Variants in KIAA1217 observed in about 807,000 individuals in gnomAD.
The protein encoded by KIAA1217 is sickle tail protein homolog.
In KIAA1217, 88 loss-of-function variants were observed where a neutral mutation model predicts 163.9. The ratio of observed to expected loss-of-function variants is 0.54; its 90% CI spans 0.45 to 0.64. KIAA1217 has a LOEUF of 0.64. Among genes scored for constraint, KIAA1217 ranks in the 30% least tolerant of loss-of-function variants. The pLI is 0.00. For missense variants in KIAA1217, 2,372 were observed against 2,475.0 expected, an observed-to-expected ratio of 0.96 and a Z score of 0.88; for synonymous variants, 903 against 923.1, an observed-to-expected ratio of 0.98 and a Z score of 0.39.
intron 1 of KIAA1217, among the ~76,000 whole-genome samples, chr10:23,930,983 T>C (rs1001864851): frequency 2.0e-5 from 3 of 152,202 alleles, no homozygotes; most frequent in Admixed American, 1.3e-4. Flanking sequence ...AAAGAATACA[T>C]GCATATCTTA....
Position 24,443,118 on chromosome 10 carries a change from C to T in KIAA1217, c.846+4639C>T, listed in dbSNP as rs780863808. Among the ~76,000 whole-genome samples, 321 of 152,234 alleles carry T rather than the reference C, an allele frequency of 2.1e-3. 5 individuals are homozygous for T. Among genetic ancestry groups the T allele is most frequent in the Non-Finnish European group, 3.4e-4 (23 of 68,014 alleles). ...AAGAAATGGGATTTTGCCATGTTGGCCAGGCTGGTCTCAAACTCCTGACCT... is the reference window on the plus strand; with the variant it reads ...AAGAAATGGGATTTTGCCATGTTGGTCAGGCTGGTCTCAAACTCCTGACCT... On this transcript the variant is annotated intron_variant, in intron 5 of 20. Transcript: ENST00000376454.
upstream of KIAA1217, among the ~76,000 whole-genome samples, chr10:24,206,644 G>A (rs772891835): frequency 2.0e-5 from 3 of 152,172 alleles, no homozygotes; most frequent in African/African-American, 2.4e-5. Flanking sequence ...CTATAGAATG[G>A]TCAGAAAGTT....
chr10:24,423,457 GT>G (rs1320788408), intron 3 of KIAA1217, among the ~76,000 whole-genome samples: 2 of 150,434 alleles, frequency 1.3e-5, no homozygotes, highest in Non-Finnish European at 3.0e-5. Flanking sequence ...GATAATTTTT[GT>G]TTTTTTGTTT....
chr10:24,212,190 A>T (rs945348176), intron 1 of KIAA1217, among the ~76,000 whole-genome samples: 3 of 152,210 alleles, frequency 2.0e-5, no homozygotes, highest in African/African-American at 7.2e-5. Flanking sequence ...TCAACTTGGG[A>T]TGTAAGAGAA....
chr10:24,012,856 T>C (rs763200591), intron 2 of KIAA1217, among the ~76,000 whole-genome samples: 1 of 152,158 alleles, frequency 6.6e-6, no homozygotes, highest in Non-Finnish European at 1.5e-5. Context: ...AAATACACCT[T>C]TTTATAAACA....
chr10:24,007,643 C>G (rs1847059387), intron 2 of KIAA1217, among the ~76,000 whole-genome samples: 1 of 152,108 alleles, frequency 6.6e-6, no homozygotes, highest in African/African-American at 2.4e-5. Flanking sequence ...GTATTAGATC[C>G]ATTTATATGC....
At chr10:23,819,789 T>C (rs1837534559) in intron 1 of KIAA1217, among the ~76,000 whole-genome samples, 1 of 152,190 alleles carries the variant, frequency 6.6e-6, no homozygotes, top group Non-Finnish European at 1.5e-5. Flanking sequence ...ATATGCTATA[T>C]GGAGCCTTGG....
chr10:24,388,797 A>G (rs2054405993), intron 3 of KIAA1217, among the ~76,000 whole-genome samples: 1 of 151,172 alleles, frequency 6.6e-6, no homozygotes, highest in African/African-American at 2.5e-5. Context: ...CAACAGACAC[A>G]TGAAAAAATG....
intron 1 of KIAA1217, among the ~76,000 whole-genome samples, chr10:23,896,749 T>C (rs983599572): frequency 6.6e-6 from 1 of 152,072 alleles, no homozygotes; most frequent in Non-Finnish European, 1.5e-5. Flanking sequence ...AAAACGTCTT[T>C]AAACTTGAGA....
chr10:24,354,053 C>T (rs1465941438), intron 2 of KIAA1217, among the ~76,000 whole-genome samples: 1 of 152,186 alleles, frequency 6.6e-6, no homozygotes, highest in Non-Finnish European at 1.5e-5. Context: ...TAACTTGTCA[C>T]TGTGGCCCTC....
At chr10:23,697,904 C>T (rs527893525) in intron 1 of KIAA1217, among the ~76,000 whole-genome samples, 35 of 151,572 alleles carry the variant, frequency 2.3e-4, no homozygotes, top group African/African-American at 8.5e-4. Context: ...TACAACAAAA[C>T]TACTTACTTT....
At chr10:24,164,124 G>A (rs2065237504) in intron 2 of KIAA1217, among the ~76,000 whole-genome samples, 1 of 152,206 alleles carries the variant, frequency 6.6e-6, no homozygotes, top group African/African-American at 2.4e-5. Flanking sequence ...TCCTGTACTA[G>A]CCTAGAGTGA....
intron 6 of KIAA1217, among the ~76,000 whole-genome samples, chr10:24,489,636 G>A (rs1389162903): frequency 6.6e-6 from 1 of 151,778 alleles, no homozygotes; most frequent in Non-Finnish European, 1.5e-5. Flanking sequence ...TTGGGAGGCC[G>A]ATCTCGCTTG....
Position 24,473,372 on chromosome 10 carries a change from C to T in KIAA1217, c.991C>T (p.Pro331Ser). 6.2e-7 allele frequency: 1 copy of T among 1,610,980 alleles called. No homozygotes were observed. Among genetic ancestry groups the T allele is most frequent in the Non-Finnish European group, 8.5e-7 (1 of 1,178,252 alleles). ...HSMPPSPSRI[P>S]YGGTRSMVVP... ...CATGCCCCCCTCCCCGTCCAGAATT[C>T]CTTATGGGGGCACCCGCTCCATGGT... Residue 331 changes from proline to serine, a missense_variant, in exon 6 of 21, where the codon CCT (proline) becomes TCT (serine). Physicochemically the swap from Pro to Ser is moderately conservative, Grantham distance 74. Transcript: ENST00000376454.
chr10:23,872,214 C>G (rs1170950880), intron 1 of KIAA1217, among the ~76,000 whole-genome samples: 4 of 152,010 alleles, frequency 2.6e-5, no homozygotes, highest in Non-Finnish European at 4.4e-5. Context: ...ACGTCATCAC[C>G]TTGGCAAAGG....
intron 2 of KIAA1217, among the ~76,000 whole-genome samples, chr10:24,081,437 C>G (rs1429134002): frequency 6.6e-6 from 1 of 152,118 alleles, no homozygotes; most frequent in Non-Finnish European, 1.5e-5. Context: ...CAGCAGTTGA[C>G]CTGACCCTGG....
At chr10:24,196,465 A>G (rs566395060) in intron 2 of KIAA1217, among the ~76,000 whole-genome samples, 5 of 152,222 alleles carry the variant, frequency 3.3e-5, no homozygotes, top group Non-Finnish European at 7.3e-5. Context: ...CTTGGGGGTA[A>G]AATATTACTA....
At chr10:24,253,794 A>C (rs893840466) in intron 2 of KIAA1217, among the ~76,000 whole-genome samples, 1 of 152,022 alleles carries the variant, frequency 6.6e-6, no homozygotes, top group African/African-American at 2.4e-5. Flanking sequence ...ACTCACCTGT[A>C]GTCCCAGCTG....
intron 1 of KIAA1217, among the ~76,000 whole-genome samples, chr10:23,725,136 T>C (rs1172439014): frequency 6.6e-6 from 1 of 152,232 alleles, no homozygotes; most frequent in Non-Finnish European, 1.5e-5. Context: ...TTTTAGCAGT[T>C]TTCTTCCCTT....
Sources: allele counts gnomAD v4.1 joint callset (sites outside exome capture counted in the v4.1 genomes callset), GRCh38; gene constraint gnomAD v4.1.1; transcripts MANE v1.5; gene names NCBI Gene and HGNC (gene_info 2026-07-23, HGNC 2026-07-21).